Variants in DPYSL3 observed in about 807,000 individuals in gnomAD.
DPYSL3 encodes dihydropyrimidinase like 3.
A neutral mutation model predicts 66.1 loss-of-function variants in DPYSL3; 16 were observed. That is an observed-to-expected ratio of 0.24 (90% CI 0.16 to 0.37). DPYSL3 has a LOEUF of 0.37. Among genes scored for constraint, DPYSL3 ranks in the 10% least tolerant of loss-of-function variants. The pLI, the probability that DPYSL3 is intolerant of heterozygous loss-of-function variation, is 1.00. For missense variants in DPYSL3, 738 were observed against 916.2 expected (o/e 0.81, Z 2.51); for synonymous variants, 338 against 345.1 (o/e 0.98, Z 0.23).
At chr5:147,401,924 G>A in intron 8 of DPYSL3, 2 of 422,828 alleles carry the variant, frequency 4.7e-6, no homozygotes, top group Non-Finnish European at 8.1e-6. Flanking sequence ...GTTAGATGCA[G>A]TGTTAATTCT....
intron 1 of DPYSL3, among the ~76,000 whole-genome samples, chr5:147,497,548 C>G (rs1186253925): frequency 1.3e-5 from 2 of 152,076 alleles, no homozygotes; most frequent in Middle Eastern, 3.2e-3. Context: ...TTTATCTCAG[C>G]AAGGCTGAGT....
At chr5:147,442,617 T>C (rs1202931369) in intron 1 of DPYSL3, among the ~76,000 whole-genome samples, 1 of 152,206 alleles carries the variant, frequency 6.6e-6, no homozygotes, top group Non-Finnish European at 1.5e-5. Context: ...CATTTCATTT[T>C]TGTTGTTAAT....
chr5:147,469,851 G>A (rs1191108961), intron 1 of DPYSL3, among the ~76,000 whole-genome samples: 1 of 152,208 alleles, frequency 6.6e-6, no homozygotes, highest in Non-Finnish European at 1.5e-5. Context: ...CCACCTAGGT[G>A]ATCCACAAGC....
intron 1 of DPYSL3, among the ~76,000 whole-genome samples, chr5:147,480,431 C>T (rs963554780): frequency 6.6e-5 from 10 of 152,106 alleles, no homozygotes; most frequent in African/African-American, 2.4e-4. Flanking sequence ...CAACTTCCAA[C>T]ATGTGTATAA....
chr5:147,477,442 C>G (rs143039544), intron 1 of DPYSL3, among the ~76,000 whole-genome samples: 3 of 151,234 alleles, frequency 2.0e-5, no homozygotes, highest in African/African-American at 7.3e-5. Context: ...AAATGAAGAG[C>G]GGCAATATTC....
intron 1 of DPYSL3, among the ~76,000 whole-genome samples, chr5:147,426,906 C>A (rs1342198743): frequency 6.6e-6 from 1 of 152,154 alleles, no homozygotes; most frequent in Non-Finnish European, 1.5e-5. Context: ...CCAAAACAAA[C>A]TACATATGTG....
intron 1 of DPYSL3, among the ~76,000 whole-genome samples, chr5:147,480,423 A>G (rs1271071504): frequency 6.6e-6 from 1 of 151,918 alleles, no homozygotes; most frequent in Non-Finnish European, 1.5e-5. Flanking sequence ...CGCTCTTTCA[A>G]CTTCCAACAT....
intron 8 of DPYSL3, 55 bp from the exon 9 acceptor site, chr5:147,401,751 G>A: frequency 1.3e-6 from 2 of 1,596,248 alleles, no homozygotes; most frequent in Admixed American, 1.7e-5. Context: ...GCTGCACTGG[G>A]CCAAGCCTAT....
chr5:147,443,963 C>G (rs973929958), intron 1 of DPYSL3, among the ~76,000 whole-genome samples: 3 of 152,056 alleles, frequency 2.0e-5, no homozygotes, highest in Non-Finnish European at 1.5e-5. Context: ...GAGTCCATCC[C>G]CCTTGCAGAA....
chr5:147,420,614 A>G (rs1216891405), intron 2 of DPYSL3, among the ~76,000 whole-genome samples: 1 of 152,234 alleles, frequency 6.6e-6, no homozygotes, highest in Non-Finnish European at 1.5e-5. Flanking sequence ...ATATTCACAG[A>G]CAGACAAACA....
At chr5:147,424,996 C>T (rs1472374316) in intron 1 of DPYSL3, 33 bp from the exon 2 acceptor site, 1 of 1,547,652 alleles carries the variant, frequency 6.5e-7, no homozygotes, top group Admixed American at 1.7e-5. Flanking sequence ...GTTGTTATCA[C>T]AGGTATGATT....
Position 147,448,673 on chromosome 5 carries a change from C to T in DPYSL3, c.382-23710G>A, listed in dbSNP as rs1020710561. 6.6e-5 allele frequency among the ~76,000 whole-genome samples: 10 copies of T among 152,192 alleles called. 1 individual carries two copies. The highest frequency in any genetic ancestry group is 4.1e-4 in the South Asian group (2 of 4,838). ...AATAAGCAGGAAGGTTTTTTATTTACAAACTGAGGGTCTTGCCACATAGAC... is the reference window on the plus strand; with the variant it reads ...AATAAGCAGGAAGGTTTTTTATTTATAAACTGAGGGTCTTGCCACATAGAC... On this transcript the variant is annotated intron_variant, in intron 1 of 13. Transcript: ENST00000343218.
intron 1 of DPYSL3, among the ~76,000 whole-genome samples, chr5:147,432,026 G>A (rs1001260520): frequency 3.9e-5 from 6 of 152,118 alleles, no homozygotes; most frequent in East Asian, 1.9e-4. Flanking sequence ...TCTTGGCTCC[G>A]AGTCTTCATT....
At chr5:147,493,973 A>T (rs1267879595) in intron 1 of DPYSL3, among the ~76,000 whole-genome samples, 3 of 152,058 alleles carry the variant, frequency 2.0e-5, no homozygotes, top group Non-Finnish European at 4.4e-5. Context: ...CAGGTGGATC[A>T]CTTGAGCTCA....
chr5:147,459,517 T>C (rs923512108), intron 1 of DPYSL3, among the ~76,000 whole-genome samples: 1 of 151,944 alleles, frequency 6.6e-6, no homozygotes, highest in Non-Finnish European at 1.5e-5. Flanking sequence ...ACCAAAGAGA[T>C]GATTCACCTG....
chr5:147,449,370 A>T (rs1044917317), intron 1 of DPYSL3, among the ~76,000 whole-genome samples: 2 of 152,194 alleles, frequency 1.3e-5, no homozygotes, highest in African/African-American at 4.8e-5. Flanking sequence ...CTAACTGGGG[A>T]TACGTCTTCC....
intron 2 of DPYSL3, among the ~76,000 whole-genome samples, chr5:147,421,160 A>C (rs1752069744): frequency 6.6e-6 from 1 of 152,240 alleles, no homozygotes; most frequent in Non-Finnish European, 1.5e-5. Context: ...AAGCAACTTC[A>C]GCAAAGTCTC....
chr5:147,472,345 G>A (rs6886026), intron 1 of DPYSL3, among the ~76,000 whole-genome samples: 2,703 of 152,258 alleles, frequency 0.018, 79 homozygotes, highest in African/African-American at 0.061. Context: ...ACATAATGAT[G>A]AGGTGTTATA....
At chr5:147,397,952 G>A (rs1349131069) in intron 11 of DPYSL3, 107 bp from the exon 12 acceptor site, 5 of 1,182,482 alleles carry the variant, frequency 4.2e-6, no homozygotes, top group Non-Finnish European at 5.7e-6. Context: ...CACCAGGTAA[G>A]CCAGGAAAAG....
Sources: allele counts gnomAD v4.1 joint callset (sites outside exome capture counted in the v4.1 genomes callset), GRCh38; gene constraint gnomAD v4.1.1; transcripts MANE v1.5; gene names NCBI Gene and HGNC (gene_info 2026-07-23, HGNC 2026-07-21).